Variants in CCSER1 observed in about 807,000 individuals in gnomAD.
The protein encoded by CCSER1 is serine-rich coiled-coil domain-containing protein 1.
A neutral mutation model predicts 82.0 loss-of-function variants in CCSER1; 41 were observed. That is an observed-to-expected ratio of 0.50 (90% CI 0.39 to 0.65). CCSER1 has a LOEUF of 0.65. Among genes scored for constraint, CCSER1 ranks in the 30% least tolerant of loss-of-function variants. The pLI is 0.00. For synonymous variants in CCSER1, 414 were observed against 383.9 expected, an observed-to-expected ratio of 1.08 and a Z score of -0.92; for missense variants, 1,119 against 1,064.2, an observed-to-expected ratio of 1.05 and a Z score of -0.72.
chr4:90,965,985 A>G (rs13127044), intron 9 of CCSER1, among the ~76,000 whole-genome samples: 8,238 of 152,202 alleles, frequency 0.054, 263 homozygotes, highest in Middle Eastern at 0.092. Context: ...AAGTACCTTC[A>G]TGGACTCAAC....
chr4:91,394,229 A>G (rs1271199688), intron 10 of CCSER1, among the ~76,000 whole-genome samples: 4 of 152,110 alleles, frequency 2.6e-5, no homozygotes, highest in Non-Finnish European at 4.4e-5. Context: ...CAATGCGTTG[A>G]AATTGAAAAG....
chr4:90,732,677 C>T (rs1361166389), intron 7 of CCSER1, among the ~76,000 whole-genome samples: 1 of 152,142 alleles, frequency 6.6e-6, no homozygotes, highest in African/African-American at 2.4e-5. Flanking sequence ...CAACCAGTGG[C>T]TAATCTTGCA....
intron 8 of CCSER1, among the ~76,000 whole-genome samples, chr4:90,909,907 C>CA (rs1208818304): frequency 6.6e-6 from 1 of 152,112 alleles, no homozygotes; most frequent in Admixed American, 6.6e-5. Context: ...TAATTCAACT[C>CA]ACATTGTATT....
At chr4:91,314,192 G>T (rs575060205) in intron 10 of CCSER1, among the ~76,000 whole-genome samples, 1 of 151,938 alleles carries the variant, frequency 6.6e-6, no homozygotes, top group Admixed American at 6.6e-5. Context: ...AGTTACCCAG[G>T]TTGTTTTATT....
intron 6 of CCSER1, among the ~76,000 whole-genome samples, chr4:90,689,030 G>T (rs1186890752): frequency 6.6e-6 from 1 of 152,074 alleles, no homozygotes; most frequent in Non-Finnish European, 1.5e-5. Flanking sequence ...CATACTAAAT[G>T]GACTCTGGCA....
chr4:91,569,747 C>G (rs1400038465), intron 10 of CCSER1, among the ~76,000 whole-genome samples: 3 of 152,140 alleles, frequency 2.0e-5, no homozygotes, highest in Admixed American at 1.3e-4. Flanking sequence ...AACAACAGTT[C>G]AAGATGAGAT....
intron 5 of CCSER1, among the ~76,000 whole-genome samples, chr4:90,569,402 A>C (rs944017655): frequency 1.3e-5 from 2 of 152,154 alleles, no homozygotes; most frequent in Non-Finnish European, 2.9e-5. Flanking sequence ...AAAACACTAG[A>C]AATTGATAGA....
chr4:91,026,520 G>A (rs1740504430), intron 9 of CCSER1, among the ~76,000 whole-genome samples: 1 of 151,992 alleles, frequency 6.6e-6, no homozygotes, highest in African/African-American at 2.4e-5. Context: ...ATGGTCTTAT[G>A]ATTCCATCAT....
intron 10 of CCSER1, among the ~76,000 whole-genome samples, chr4:91,472,775 A>G (rs1276604064): frequency 2.6e-5 from 4 of 152,200 alleles, no homozygotes; most frequent in African/African-American, 4.8e-5. Flanking sequence ...ACCTTATGAC[A>G]AGCCTTAACA....
At chr4:91,196,259 G>A (rs1295516669) in intron 10 of CCSER1, among the ~76,000 whole-genome samples, 2 of 151,194 alleles carry the variant, frequency 1.3e-5, no homozygotes, top group Non-Finnish European at 2.9e-5. Context: ...AGCCCAAGAA[G>A]GTCAATGCAG....
At chr4:91,598,531 G>A in intron 10 of CCSER1, 41 bp from the exon 11 acceptor site, 1 of 1,505,030 alleles carries the variant, frequency 6.6e-7, no homozygotes. Context: ...CTATGAAAGT[G>A]TTTTTTTAAG....
intron 5 of CCSER1, among the ~76,000 whole-genome samples, chr4:90,477,500 G>T (rs954421558): frequency 2.0e-5 from 3 of 152,288 alleles, no homozygotes; most frequent in African/African-American, 7.2e-5. Flanking sequence ...CTTGAATGAG[G>T]AAGTTGGGCA....
intron 9 of CCSER1, among the ~76,000 whole-genome samples, chr4:90,976,905 G>A (rs1231003409): frequency 6.6e-6 from 1 of 151,404 alleles, no homozygotes; most frequent in Non-Finnish European, 1.5e-5. Flanking sequence ...TTCTCTACTA[G>A]CAAAATTTCG....
At chr4:91,361,105 T>TA (rs397976141) in intron 10 of CCSER1, among the ~76,000 whole-genome samples, 1 of 151,774 alleles carries the variant, frequency 6.6e-6, no homozygotes, top group African/African-American at 2.4e-5. Flanking sequence ...GCCTTTTTTT[T>TA]AGTCTAGCAG....
chr4:91,181,810 G>C (rs185240286), intron 10 of CCSER1, among the ~76,000 whole-genome samples: 1 of 152,268 alleles, frequency 6.6e-6, no homozygotes, highest in East Asian at 1.9e-4. Flanking sequence ...TTTTGAGGGC[G>C]ATATGCCTCA....
intron 9 of CCSER1, among the ~76,000 whole-genome samples, chr4:91,012,618 A>C (rs1187382324): frequency 6.6e-6 from 1 of 151,430 alleles, no homozygotes; most frequent in Non-Finnish European, 1.5e-5. Context: ...GGGCCAGGGT[A>C]GTTCAGCAGT....
intron 10 of CCSER1, among the ~76,000 whole-genome samples, chr4:91,300,953 T>C (rs1252951638): frequency 2.0e-5 from 3 of 151,882 alleles, no homozygotes; most frequent in Non-Finnish European, 2.9e-5. Context: ...GGGAGGTTTT[T>C]AAAAATATAC....
At chr4:90,332,423 A>G (rs1295594318) in intron 3 of CCSER1, among the ~76,000 whole-genome samples, 2 of 151,940 alleles carry the variant, frequency 1.3e-5, no homozygotes, top group Admixed American at 6.6e-5. Context: ...TTTAGTAGAG[A>G]CGGGGTTTCA....
At chr4:90,923,235 G>A (rs1022312676) in intron 8 of CCSER1, 135 bp from the exon 9 acceptor site, 3 of 665,406 alleles carry the variant, frequency 4.5e-6, no homozygotes, top group Non-Finnish European at 8.0e-6. Context: ...TATTTTAAGA[G>A]CACTAACACA....
Sources: allele counts gnomAD v4.1 joint callset (sites outside exome capture counted in the v4.1 genomes callset), GRCh38; gene constraint gnomAD v4.1.1; transcripts MANE v1.5; gene names NCBI Gene and HGNC (gene_info 2026-07-23, HGNC 2026-07-21).